The following CCDC141 variants were observed in gnomAD, a reference collection of about 807,000 sequenced individuals.
CCDC141 encodes coiled-coil domain containing 141, also known as coiled-coil domain-containing protein 141.
A neutral mutation model predicts 181.0 loss-of-function variants in CCDC141; 168 were observed. That is an observed-to-expected ratio of 0.93 (90% CI 0.82 to 1.05). The LOEUF (loss-of-function observed/expected upper bound fraction) is 1.05. CCDC141 is among the 50% of genes least tolerant of loss of function. CCDC141 has a pLI of 0.00. For synonymous variants in CCDC141, 666 were observed against 642.3 expected, an observed-to-expected ratio of 1.04 and a Z score of -0.56; for missense variants, 1,902 against 1,788.5, an observed-to-expected ratio of 1.06 and a Z score of -1.14.
At chr2:178,839,069 T>A (rs1019615925) in intron 22 of CCDC141, among the ~76,000 whole-genome samples, 1 of 152,162 alleles carries the variant, frequency 6.6e-6, no homozygotes, top group African/African-American at 2.4e-5. Flanking sequence ...CCTTTGAGTT[T>A]TTCATTTTAG....
At chr2:178,895,261 C>T (rs1196418669) in intron 8 of CCDC141, among the ~76,000 whole-genome samples, 1 of 152,138 alleles carries the variant, frequency 6.6e-6, no homozygotes, top group Non-Finnish European at 1.5e-5. Flanking sequence ...CTGTGATGAG[C>T]ATCTTATTCA....
intron 16 of CCDC141, 132 bp from the exon 17 acceptor site, chr2:178,866,048 C>T (rs1558939019): frequency 1.5e-6 from 1 of 654,584 alleles, no homozygotes. Flanking sequence ...ATTTATTTTA[C>T]CTTAAACATA....
intron 6 of CCDC141, among the ~76,000 whole-genome samples, chr2:178,929,628 AC>A (rs1689026216): frequency 1.3e-5 from 2 of 152,144 alleles, no homozygotes; most frequent in Non-Finnish European, 2.9e-5. Flanking sequence ...ACAAACAACA[AC>A]AAAAAAATTA....
chr2:178,854,090 T>G (rs1685281638), intron 19 of CCDC141, among the ~76,000 whole-genome samples: 1 of 152,248 alleles, frequency 6.6e-6, no homozygotes, highest in South Asian at 2.1e-4. Flanking sequence ...TGATGAATAC[T>G]CTAATAAATA....
chr2:178,864,276 A>C (rs1185632305), intron 17 of CCDC141, among the ~76,000 whole-genome samples: 5 of 152,210 alleles, frequency 3.3e-5, no homozygotes, highest in Admixed American at 6.5e-5. Flanking sequence ...GGAATAAAGA[A>C]GATCACTTTA....
intron 8 of CCDC141, 71 bp downstream of exon 8, chr2:178,905,258 T>C (rs759262076): frequency 1.4e-5 from 18 of 1,325,304 alleles, no homozygotes; most frequent in Non-Finnish European, 1.8e-5. Context: ...CAATCATGCA[T>C]CTTATTTTTA....
Position 179,049,827 on chromosome 2 carries a change from G to C in CCDC141, c.102+13C>G. ...CCCACAGCCGCACAGAAAAAAGGAA[G>C]TTGTTAGCTTACCTTTATGACAGCT... On this transcript the variant is annotated intron_variant, in intron 1 of 23. Transcript: ENST00000443758. 1.3e-6 allele frequency: 2 copies of C among 1,550,540 alleles called. No individual in the cohort carries two copies. The highest frequency in any genetic ancestry group is 1.4e-5 in the African/African-American group (1 of 73,134).
chr2:178,901,261 C>T (rs983333520), intron 8 of CCDC141, among the ~76,000 whole-genome samples: 2 of 152,118 alleles, frequency 1.3e-5, no homozygotes, highest in African/African-American at 4.8e-5. Flanking sequence ...TTTTATGAGG[C>T]CAGCATCATC....
Position 179,050,107 on chromosome 2 carries a change from C to G in CCDC141, c.-166G>C. 1 of 1,047,714 alleles carries G rather than the reference C, an allele frequency of 9.5e-7. No individual in the cohort carries two copies. The highest frequency in any genetic ancestry group is 1.3e-6 in the Non-Finnish European group (1 of 757,100). 64.9% of individuals were successfully genotyped at this position (1,047,714 alleles called of 1,614,324 possible). A position where few individuals can be genotyped will look rare whatever the true frequency, so the allele number is the denominator to read the frequency against. ...AACAGGAGGTTAAAAATAGACAACC[C>G]CATTGAGTTTATCGTGAGAGAGAAA... On this transcript the variant is annotated 5_prime_UTR_variant, in exon 1 of 24. Coordinates refer to ENST00000443758, the MANE Select transcript of CCDC141 (RefSeq NM_173648.4).
chr2:178,960,517 T>C (rs1023642816), intron 5 of CCDC141, among the ~76,000 whole-genome samples: 1 of 152,178 alleles, frequency 6.6e-6, no homozygotes, highest in African/African-American at 2.4e-5. Flanking sequence ...CTGTACAGAT[T>C]TAAACATGGA....
chr2:178,972,839 T>C (rs913343411), intron 4 of CCDC141, among the ~76,000 whole-genome samples: 2 of 152,212 alleles, frequency 1.3e-5, no homozygotes, highest in Non-Finnish European at 2.9e-5. Context: ...ATCCTGGTTC[T>C]AACTTCCGTA....
chr2:178,999,547 T>C (rs1430776289), intron 2 of CCDC141, among the ~76,000 whole-genome samples: 3 of 152,140 alleles, frequency 2.0e-5, no homozygotes, highest in East Asian at 1.9e-4. Flanking sequence ...AATCTTTCCA[T>C]GCTGCCAATT....
chr2:178,905,286 T>C (rs1002623832), intron 8 of CCDC141, 43 bp downstream of exon 8: 1 of 1,491,538 alleles, frequency 6.7e-7, no homozygotes, highest in Admixed American at 2.4e-5. Context: ...GTGGAAACTG[T>C]GAAAAAGCTT....
At position 178,869,180 on chromosome 2, in the gene CCDC141, C is replaced by G. The variant is rs1217206088; in HGVS notation, c.2331G>C (p.Glu777Asp). Residue 777 changes from glutamate (E) to aspartate (D), a missense_variant, in exon 15 of 24, where the codon GAG becomes GAC. By Grantham distance (45) the Glu-to-Asp change is conservative (BLOSUM62 2). Coordinates refer to ENST00000443758, the MANE Select transcript of CCDC141 (RefSeq NM_173648.4). The part of the protein sequence containing the change: ...DLIHFHQKQK[E>D]RIQDYEDILY... Reference sequence around the variant, plus strand: ...GGATATCCTCGTAATCCTGGATTCTCTCTTTCTGTTTTTGATGGAAGTGAA... The same window carrying G: ...GGATATCCTCGTAATCCTGGATTCTGTCTTTCTGTTTTTGATGGAAGTGAA... 2.5e-6 allele frequency: 4 copies of G among 1,613,652 alleles called. No homozygotes were observed. In the African/African-American group the frequency reaches 4.0e-5, roughly 16 times the overall value.
chr2:178,934,092 C>T lies in CCDC141; in HGVS notation c.897+10443G>A, dbSNP rs542332540. Among the ~76,000 whole-genome samples the T allele has an allele frequency of 3.9e-4, 38 of 96,852 alleles. No homozygotes were observed. In the East Asian group the frequency reaches 0.02, roughly 50 times the overall value. 63.5% of individuals were successfully genotyped at this position (96,852 alleles called of 152,430 possible). On this transcript the variant is annotated intron_variant, in intron 6 of 23. Transcript: ENST00000443758. ...AGAATCTCTAGGAATGAGATGCAGA[C>T]ATCAGTATTTTTTTCAACACCCCCC...
chr2:178,857,536 A>T (rs1214112586), intron 17 of CCDC141, among the ~76,000 whole-genome samples: 1 of 152,204 alleles, frequency 6.6e-6, no homozygotes, highest in East Asian at 1.9e-4. Flanking sequence ...CAACAGTTCA[A>T]CTTTACCAGT....
chr2:178,895,147 A>G (rs1687346109), intron 8 of CCDC141, among the ~76,000 whole-genome samples: 1 of 152,146 alleles, frequency 6.6e-6, no homozygotes, highest in Non-Finnish European at 1.5e-5. Flanking sequence ...TTTGATATGG[A>G]CTTAGAATAT....
Position 178,837,155 on chromosome 2 carries a change from A to C in CCDC141, c.4064T>G (p.Phe1355Cys). The part of the protein sequence containing the change: ...TREKMHADNN[F>C]TKTQDRLHAS... Reference sequence around the variant, plus strand: ...ATGCAGCCTATCTTGGGTTTTAGTGAAGTTATTATCAGCATGCATTTTCTC... The same window carrying C: ...ATGCAGCCTATCTTGGGTTTTAGTGCAGTTATTATCAGCATGCATTTTCTC... Residue 1355 changes from phenylalanine (F) to cysteine (C), a missense_variant, in exon 23 of 24, where the codon TTC (phenylalanine) becomes TGC (cysteine). Coordinates refer to ENST00000443758, the MANE Select transcript of CCDC141 (RefSeq NM_173648.4). 3 of 1,613,872 alleles carry C rather than the reference A, an allele frequency of 1.9e-6. No individual in the cohort carries two copies. Among genetic ancestry groups the C allele is most frequent in the South Asian group, 2.2e-5 (2 of 91,062 alleles).
intron 4 of CCDC141, among the ~76,000 whole-genome samples, chr2:178,970,872 G>A (rs1027784484): frequency 6.6e-6 from 1 of 152,166 alleles, no homozygotes; most frequent in Non-Finnish European, 1.5e-5. Flanking sequence ...CTATCCATCT[G>A]ACAAAGGGCT....
Sources: allele counts gnomAD v4.1 joint callset (sites outside exome capture counted in the v4.1 genomes callset), GRCh38; gene constraint gnomAD v4.1.1; transcripts MANE v1.5; gene names NCBI Gene and HGNC (gene_info 2026-07-23, HGNC 2026-07-21).